APP: variants seen among roughly 807,000 people sequenced by gnomAD.
APP encodes the protein amyloid-beta precursor protein.
APP carries 31 observed loss-of-function variants against 101.4 expected under a neutral mutation model. That is an observed-to-expected ratio of 0.31 (90% CI 0.23 to 0.41). The LOEUF is 0.41. APP is among the 10% of genes least tolerant of loss of function. The probability of loss-of-function intolerance (pLI) is 1.00; values close to 1 mark genes in which losing one functional copy is unlikely to be tolerated. For synonymous variants in APP, 366 were observed against 364.4 expected, an observed-to-expected ratio of 1.00 and a Z score of -0.05; for missense variants, 839 against 1,003.7, an observed-to-expected ratio of 0.84 and a Z score of 2.22.
chr21:26,013,441 CTTGAG>C (rs2043909189), intron 6 of APP, among the ~76,000 whole-genome samples: 1 of 150,130 alleles, frequency 6.7e-6, no homozygotes, highest in South Asian at 2.1e-4. Context: ...ATTGCAAATT[CTTGAG>C]TTGAGTACAG....
At chr21:25,891,135 G>A (rs1178480036) in intron 17 of APP, among the ~76,000 whole-genome samples, 5 of 152,090 alleles carry the variant, frequency 3.3e-5, no homozygotes, top group African/African-American at 1.2e-4. Flanking sequence ...TATTTCAGGT[G>A]GAAGTGCAGG....
chr21:26,004,777 T>A (rs1253386848), intron 6 of APP, among the ~76,000 whole-genome samples: 3 of 152,086 alleles, frequency 2.0e-5, no homozygotes, highest in Admixed American at 6.6e-5. Flanking sequence ...CATTAGGTAT[T>A]TCTCCTGATG....
chr21:26,081,308 A>C (rs894876899), intron 3 of APP, among the ~76,000 whole-genome samples: 1 of 147,712 alleles, frequency 6.8e-6, no homozygotes, highest in African/African-American at 2.4e-5. Flanking sequence ...GAGTCCGAAA[A>C]AGAGTCAGGA....
intron 11 of APP, among the ~76,000 whole-genome samples, chr21:25,961,469 T>A (rs1266573631): frequency 6.6e-6 from 1 of 152,228 alleles, no homozygotes; most frequent in Non-Finnish European, 1.5e-5. Context: ...TACTTTTATA[T>A]TTTTGTTGAG....
At chr21:26,125,201 C>T (rs1283607501) in intron 1 of APP, among the ~76,000 whole-genome samples, 1 of 152,184 alleles carries the variant, frequency 6.6e-6, no homozygotes, top group Admixed American at 6.5e-5. Flanking sequence ...CTGGGAGCTG[C>T]TGCCACATTC....
intron 8 of APP, among the ~76,000 whole-genome samples, chr21:25,984,751 A>C (rs2042574575): frequency 6.6e-6 from 1 of 152,200 alleles, no homozygotes; most frequent in Admixed American, 6.5e-5. Context: ...AAATGAGAAC[A>C]AGTTAAAGTA....
chr21:26,060,737 A>G (rs1030309108), intron 3 of APP, among the ~76,000 whole-genome samples: 1 of 152,232 alleles, frequency 6.6e-6, no homozygotes, highest in Non-Finnish European at 1.5e-5. Flanking sequence ...CAAAGTATTC[A>G]GAATCAAAGG....
In APP at chr21:26,046,106, G is replaced by A. The variant is rs143573817; in HGVS notation, c.662+4894C>T. Among the ~76,000 whole-genome samples, 571 of 151,762 alleles carry A rather than the reference G, an allele frequency of 3.8e-3. 5 individuals are homozygous for A. Among genetic ancestry groups the A allele is most frequent in the African/African-American group, 0.013 (544 of 41,398 alleles). On this transcript the variant is annotated intron_variant, in intron 5 of 17. Transcript: ENST00000346798. Reference sequence around the variant, plus strand: ...AAAGACTTGCCCCCATGATTCAATTGCCTCCCACCGAGTCCCTTCCACAAC... The same window carrying A: ...AAAGACTTGCCCCCATGATTCAATTACCTCCCACCGAGTCCCTTCCACAAC...
intron 11 of APP, among the ~76,000 whole-genome samples, chr21:25,965,936 T>C (rs369086020): frequency 6.6e-6 from 1 of 152,228 alleles, no homozygotes; most frequent in Non-Finnish European, 1.5e-5. Flanking sequence ...TGGGTTTTAA[T>C]AGCATCCTGT....
chr21:26,046,922 T>C (rs1215275961), intron 5 of APP, among the ~76,000 whole-genome samples: 1 of 152,200 alleles, frequency 6.6e-6, no homozygotes, highest in East Asian at 1.9e-4. Context: ...CTGGAGTCTG[T>C]GTATTATTAA....
chr21:26,031,533 A>C (rs943017081), intron 5 of APP, among the ~76,000 whole-genome samples: 9 of 152,158 alleles, frequency 5.9e-5, no homozygotes, highest in Non-Finnish European at 8.8e-5. Context: ...GCGGGAGGTG[A>C]AAGGCATTTC....
At chr21:26,169,946 G>C (rs748499987) in intron 1 of APP, among the ~76,000 whole-genome samples, 4 of 152,160 alleles carry the variant, frequency 2.6e-5, no homozygotes, top group Non-Finnish European at 4.4e-5. Context: ...CCCCGACGCC[G>C]GCTCGGGCTA....
chr21:25,995,124 G>A (rs1341981409), intron 8 of APP, among the ~76,000 whole-genome samples: 1 of 152,144 alleles, frequency 6.6e-6, no homozygotes, highest in Non-Finnish European at 1.5e-5. Flanking sequence ...TGATGAAAGT[G>A]GTAGTTACGT....
rs142850289 is a variant in APP at position 26,016,930 on chromosome 21, TGGGGGGCGGGGGGC to T, written c.865+4896_865+4909del. 6.8e-4 allele frequency among the ~76,000 whole-genome samples: 16 copies of T among 23,580 alleles called. 3 individuals carry two copies. The highest frequency in any genetic ancestry group is 2.4e-3 in the East Asian group (4 of 1,638). 15.5% of individuals were successfully genotyped at this position (23,580 alleles called of 152,430 possible). Reference sequence around the variant, plus strand: ...GGTGGCCTGTATTCCCAGCACTTTGTGGGGGGCGGGGGGCGGGGGGCGGGGGGTGCCGCCAAGGT... The same window carrying T: ...GGTGGCCTGTATTCCCAGCACTTTGTGGGGGGCGGGGGGTGCCGCCAAGGT... On this transcript the variant is annotated intron_variant, in intron 6 of 17. Transcript: ENST00000346798.
chr21:25,966,384 CG>C (rs1055069184), intron 11 of APP, among the ~76,000 whole-genome samples: 1 of 152,146 alleles, frequency 6.6e-6, no homozygotes, highest in Admixed American at 6.5e-5. Flanking sequence ...TAAAAATAAA[CG>C]GATGGTGAAC....
chr21:26,168,398 C>G (rs963401824), intron 1 of APP, among the ~76,000 whole-genome samples: 6 of 152,310 alleles, frequency 3.9e-5, no homozygotes, highest in Admixed American at 6.5e-5. Context: ...ACCTACCCTT[C>G]TACCAACACT....
chr21:26,137,839 G>A (rs1037372700), intron 1 of APP, among the ~76,000 whole-genome samples: 1 of 152,108 alleles, frequency 6.6e-6, no homozygotes, highest in Non-Finnish European at 1.5e-5. Flanking sequence ...AGGTGAGGCA[G>A]GTCCTATTTT....
At chr21:25,957,629 A>G (rs73336796) in intron 11 of APP, among the ~76,000 whole-genome samples, 3,045 of 151,748 alleles carry the variant, frequency 0.02, 105 homozygotes, top group African/African-American at 0.068. Context: ...GCTCTATTTC[A>G]TTTTTCTCCC....
intron 5 of APP, among the ~76,000 whole-genome samples, chr21:26,025,144 A>G (rs574405830): frequency 5.3e-5 from 8 of 152,184 alleles, no homozygotes; most frequent in Non-Finnish European, 1.0e-4. Flanking sequence ...TTATTGCACG[A>G]AAGTTTACTA....
Sources: allele counts gnomAD v4.1 joint callset (sites outside exome capture counted in the v4.1 genomes callset), GRCh38; gene constraint gnomAD v4.1.1; transcripts MANE v1.5; gene names NCBI Gene and HGNC (gene_info 2026-07-23, HGNC 2026-07-21).